NALCN: variants seen among roughly 807,000 people sequenced by gnomAD.
The protein encoded by NALCN is sodium leak channel NALCN.
In NALCN, 111 loss-of-function variants were observed where a neutral mutation model predicts 225.3. That is an observed-to-expected ratio of 0.49 (90% CI 0.42 to 0.58). The LOEUF is 0.58. Among genes scored for constraint, NALCN ranks in the 20% least tolerant of loss-of-function variants. NALCN has a pLI of 0.00. For missense variants in NALCN, 1,378 were observed against 2,202.4 expected, an observed-to-expected ratio of 0.63 and a Z score of 7.49; for synonymous variants, 764 against 769.0, an observed-to-expected ratio of 0.99 and a Z score of 0.11.
In NALCN at chr13:101,055,505, T is replaced by C; in HGVS notation, c.5024-17A>G. On this transcript the variant is annotated splice_polypyrimidine_tract_variant and intron_variant, in intron 43 of 43. Coordinates refer to ENST00000251127, the MANE Select transcript of NALCN (RefSeq NM_052867.4). ...GTTTTGGGGCTGTGGAATTAATGAG[T>C]CCTATGAGCCACTTGGTATTGCTTC... 6.2e-7 allele frequency: 1 copy of C among 1,609,038 alleles called. No homozygotes were observed. The highest frequency in any genetic ancestry group is 8.5e-7 in the Non-Finnish European group (1 of 1,176,264).
At chr13:101,118,655 C>A (rs931169051) in intron 18 of NALCN, among the ~76,000 whole-genome samples, 1 of 152,120 alleles carries the variant, frequency 6.6e-6, no homozygotes, top group Non-Finnish European at 1.5e-5. Context: ...CAACAATAAC[C>A]AGGCAGACTT....
chr13:101,346,109 A>ATG (rs2139303415), intron 6 of NALCN, among the ~76,000 whole-genome samples: 1 of 140,436 alleles, frequency 7.1e-6, no homozygotes, highest in East Asian at 2.1e-4. Flanking sequence ...ATATATATAT[A>ATG]TATGATGTTA....
At chr13:101,399,563 T>A (rs1467233380) in intron 1 of NALCN, among the ~76,000 whole-genome samples, 3 of 152,192 alleles carry the variant, frequency 2.0e-5, no homozygotes, top group Admixed American at 2.0e-4. Context: ...AATGCACAGA[T>A]CTTCCCCATG....
intron 15 of NALCN, among the ~76,000 whole-genome samples, chr13:101,147,342 T>C (rs2139807166): frequency 6.7e-6 from 1 of 148,836 alleles, no homozygotes; most frequent in African/African-American, 2.5e-5. Flanking sequence ...GCCTTTTTCT[T>C]CCTCTCTCTC....
chr13:101,254,834 T>G (rs1228927756), intron 11 of NALCN, among the ~76,000 whole-genome samples: 1 of 106,526 alleles, frequency 9.4e-6, no homozygotes, highest in Non-Finnish European at 1.9e-5. Context: ...GAGCTTGCAG[T>G]GAGCCGAGAT....
chr13:101,224,044 G>A (rs2041045530), intron 13 of NALCN, among the ~76,000 whole-genome samples: 1 of 152,038 alleles, frequency 6.6e-6, no homozygotes, highest in East Asian at 1.9e-4. Context: ...CTACACCCAT[G>A]GCAGCAAAAC....
At chr13:101,266,682 G>T (rs560044542) in intron 10 of NALCN, among the ~76,000 whole-genome samples, 3 of 152,132 alleles carry the variant, frequency 2.0e-5, no homozygotes, top group Non-Finnish European at 4.4e-5. Flanking sequence ...AACTTATTTG[G>T]AGAACAATGC....
intron 30 of NALCN, among the ~76,000 whole-genome samples, chr13:101,087,643 G>T (rs4265682): frequency 0.4 from 60,302 of 151,730 alleles, 12,220 homozygotes; most frequent in East Asian, 0.47. Context: ...TAGAACATAC[G>T]CCCCAGATCC....
At chr13:101,182,307 T>C (rs558013737) in intron 14 of NALCN, among the ~76,000 whole-genome samples, 1 of 152,134 alleles carries the variant, frequency 6.6e-6, no homozygotes, top group Non-Finnish European at 1.5e-5. Flanking sequence ...GCATTTGATA[T>C]TTGCTGTGGA....
intron 30 of NALCN, among the ~76,000 whole-genome samples, chr13:101,085,703 G>T (rs2033897038): frequency 6.6e-6 from 1 of 151,842 alleles, no homozygotes; most frequent in Admixed American, 6.6e-5. Context: ...AAATAATAAA[G>T]GCAAAAACAT....
At chr13:101,313,080 GA>G (rs1246285054) in intron 7 of NALCN, among the ~76,000 whole-genome samples, 5 of 152,154 alleles carry the variant, frequency 3.3e-5, no homozygotes, top group Admixed American at 3.3e-4. Flanking sequence ...AAGAAATGGG[GA>G]AAGGATTCCC....
intron 15 of NALCN, among the ~76,000 whole-genome samples, chr13:101,148,779 C>T (rs1053228228): frequency 2.0e-5 from 3 of 152,148 alleles, no homozygotes; most frequent in Admixed American, 1.3e-4. Flanking sequence ...CTAAACTCTC[C>T]AGCAGACAAC....
intron 28 of NALCN, among the ~76,000 whole-genome samples, chr13:101,091,386 A>G (rs2034226871): frequency 1.3e-5 from 2 of 152,212 alleles, no homozygotes; most frequent in Admixed American, 6.5e-5. Flanking sequence ...TTTTTAAACT[A>G]TAGAGACAAT....
chr13:101,399,186 A>G, intron 1 of NALCN, 21 bp from the exon 2 acceptor site: 4 of 1,594,862 alleles, frequency 2.5e-6, no homozygotes, highest in Non-Finnish European at 3.4e-6. Flanking sequence ...GAAAAGTTGT[A>G]TTTGTCATCT....
chr13:101,071,550 C>T (rs898196734), intron 37 of NALCN, among the ~76,000 whole-genome samples: 2 of 152,176 alleles, frequency 1.3e-5, no homozygotes, highest in African/African-American at 4.8e-5. Context: ...ACAGCGTCCT[C>T]ACCTCTCTCA....
intron 17 of NALCN, among the ~76,000 whole-genome samples, chr13:101,134,075 C>T (rs2036645959): frequency 6.6e-6 from 1 of 152,064 alleles, no homozygotes; most frequent in Non-Finnish European, 1.5e-5. Context: ...GAGGCTGAGG[C>T]AGGAGAATGG....
In NALCN at chr13:101,399,107, C is replaced by T. The variant is rs750313461; in HGVS notation, c.20G>A (p.Ser7Asn). 6.2e-7 allele frequency: 1 copy of T among 1,613,426 alleles called. No homozygotes were observed. Among genetic ancestry groups the T allele is most frequent in the Non-Finnish European group, 8.5e-7 (1 of 1,179,532 alleles). Reference sequence around the variant, plus strand: ...GACTGGCTGGGCTTCCACCCTGGAACTCTGCTTCCTTTTGAGCATGCTGAG... The same window carrying T: ...GACTGGCTGGGCTTCCACCCTGGAATTCTGCTTCCTTTTGAGCATGCTGAG... MLKRKQSSRVEAQPVTD... is the reference protein window; with the variant it reads MLKRKQNSRVEAQPVTD... Residue 7 changes from serine to asparagine, a missense_variant, in exon 2 of 44, where the codon AGT becomes AAT. Physicochemically the swap from Ser to Asn is conservative, Grantham distance 46. Coordinates refer to ENST00000251127, the MANE Select transcript of NALCN (RefSeq NM_052867.4).
rs1030463057 is a variant in NALCN, at chr13:101,415,208, C to CATATATATATATATATAT, written c.-40+1104_-40+1105insATATATATATATATATAT. On this transcript the variant is annotated intron_variant, in intron 1 of 43. Coordinates refer to ENST00000251127, the MANE Select transcript of NALCN (RefSeq NM_052867.4). Reference sequence around the variant, plus strand: ...TAGTTATGAACATACAAATCACACACATATATATATATATATACATACATA... The same window carrying CATATATATATATATATAT: ...TAGTTATGAACATACAAATCACACACATATATATATATATATATATATATATATATATATACATACATA... Among the ~76,000 whole-genome samples, 248 of 107,774 alleles carry CATATATATATATATATAT rather than the reference C, an allele frequency of 2.3e-3. 3 individuals are homozygous for CATATATATATATATATAT. The highest frequency in any genetic ancestry group is 4.9e-3 in the Middle Eastern group (1 of 206). 70.7% of individuals were successfully genotyped at this position (107,774 alleles called of 152,430 possible).
chr13:101,074,687 G>A (rs763840850), intron 35 of NALCN, 25 bp from the exon 36 acceptor site: 8 of 1,578,626 alleles, frequency 5.1e-6, no homozygotes, highest in African/African-American at 4.3e-5. Context: ...TGGGAAGCGG[G>A]GAGACAGAGA....
Sources: allele counts gnomAD v4.1 joint callset (sites outside exome capture counted in the v4.1 genomes callset), GRCh38; gene constraint gnomAD v4.1.1; transcripts MANE v1.5; gene names NCBI Gene and HGNC (gene_info 2026-07-23, HGNC 2026-07-21).